Variants in LIMCH1 observed in about 807,000 individuals in gnomAD.
LIMCH1 encodes LIM and calponin homology domains-containing protein 1.
A neutral mutation model predicts 176.5 loss-of-function variants in LIMCH1; 113 were observed. That is an observed-to-expected ratio of 0.64 (90% CI 0.55 to 0.75). The LOEUF is 0.75. Among genes scored for constraint, LIMCH1 ranks in the 30% least tolerant of loss-of-function variants. LIMCH1 has a pLI of 0.00. For missense variants in LIMCH1, 1,674 were observed against 1,814.9 expected (o/e 0.92, Z 1.41); for synonymous variants, 619 against 645.9 (o/e 0.96, Z 0.63).
chr4:41,626,632 T>C, intron 7 of LIMCH1, 76 bp from the exon 8 acceptor site: 1 of 1,178,384 alleles, frequency 8.5e-7, no homozygotes, highest in South Asian at 1.5e-5. Context: ...AACAACACAG[T>C]TGTCTGTCTA....
intron 1 of LIMCH1, among the ~76,000 whole-genome samples, chr4:41,367,985 G>A (rs2053364204): frequency 6.6e-6 from 1 of 151,410 alleles, no homozygotes; most frequent in Admixed American, 6.6e-5. Flanking sequence ...TGCCAAGTAT[G>A]TTCACCAAAT....
At chr4:41,385,177 CA>C (rs2056321591) in intron 1 of LIMCH1, among the ~76,000 whole-genome samples, 1 of 152,220 alleles carries the variant, frequency 6.6e-6, no homozygotes, top group Non-Finnish European at 1.5e-5. Context: ...TTAATGAATG[CA>C]CTTCCTTCAT....
intron 1 of LIMCH1, among the ~76,000 whole-genome samples, chr4:41,367,106 G>A (rs1326517151): frequency 2.6e-5 from 4 of 152,106 alleles, no homozygotes; most frequent in African/African-American, 4.8e-5. Flanking sequence ...TGGGGTAACC[G>A]CCCCCGTGAT....
intron 1 of LIMCH1, among the ~76,000 whole-genome samples, chr4:41,484,108 T>C (rs1212329056): frequency 6.6e-6 from 1 of 152,266 alleles, no homozygotes; most frequent in Non-Finnish European, 1.5e-5. Flanking sequence ...ATTGTAGTTG[T>C]GATATGAATG....
intron 26 of LIMCH1, among the ~76,000 whole-genome samples, chr4:41,684,122 G>T (rs921173184): frequency 1.3e-5 from 2 of 152,168 alleles, no homozygotes; most frequent in African/African-American, 4.8e-5. Flanking sequence ...TGAACATCAG[G>T]TTAGCTCTGG....
chr4:41,631,171 G>T lies in LIMCH1; in HGVS notation c.1295G>T (p.Cys432Phe). The part of the protein sequence containing the change: ...KARDGDVQHI[C>F]ASEPSPEIKA... ...AGGGATGGAGATGTTCAGCACATCT[G>T]TGCTTCTGAGCCTTCCCCAGAAATT... The change falls in exon 10 of 32, where the codon TGT (cysteine) becomes TTT (phenylalanine). Residue 432 changes from cysteine (C) to phenylalanine (F), a missense_variant. Physicochemically the swap from Cys to Phe is radical, Grantham distance 205 (BLOSUM62 -2). Coordinates refer to ENST00000503057, the MANE Select transcript of LIMCH1 (RefSeq NM_001330672.2). The T allele has an allele frequency of 6.5e-7, 1 of 1,534,436 alleles. No homozygotes were observed. The highest frequency in any genetic ancestry group is 8.7e-7 in the Non-Finnish European group (1 of 1,146,308).
chr4:41,619,238 G>A lies in LIMCH1; in HGVS notation c.256G>A (p.Val86Met), dbSNP rs754470652. Residue 86 changes from valine (V) to methionine (M), a missense_variant, in exon 6 of 32, where the codon GTG (valine) becomes ATG (methionine). This residue lies in a region of LIMCH1 where 655 missense variants were observed against 692.2 expected (regional missense o/e 0.95). Transcript: ENST00000503057. Reference sequence around the variant, plus strand: ...CTTGCCTCATCGGAAGCTGCCAGATGTGAAGAAGGATGACATGTCTGCACG... The same window carrying A: ...CTTGCCTCATCGGAAGCTGCCAGATATGAAGAAGGATGACATGTCTGCACG... ...SDLPHRKLPD[V>M]KKDDMSARRT... is the part of the protein sequence containing the mutation. 5.0e-6 allele frequency: 8 copies of A among 1,614,204 alleles called. No homozygotes were observed. The highest frequency in any genetic ancestry group is 2.2e-5 in the South Asian group (2 of 91,082).
At chr4:41,481,252 G>A (rs2068568725) in intron 1 of LIMCH1, among the ~76,000 whole-genome samples, 2 of 152,148 alleles carry the variant, frequency 1.3e-5, no homozygotes, top group Admixed American at 1.3e-4. Flanking sequence ...AATAGATATA[G>A]GGAACTATTG....
intron 1 of LIMCH1, among the ~76,000 whole-genome samples, chr4:41,392,839 TG>T (rs2057393466): frequency 6.6e-6 from 1 of 152,086 alleles, no homozygotes; most frequent in African/African-American, 2.4e-5. Flanking sequence ...GAGACCAGCC[TG>T]GGCAACATGG....
chr4:41,613,059 G>A, intron 4 of LIMCH1: 1 of 1,552,132 alleles, frequency 6.4e-7, no homozygotes, highest in Non-Finnish European at 8.7e-7. Flanking sequence ...CTCATTCCCA[G>A]GACAGACATG....
At chr4:41,385,586 G>A (rs2056382102) in intron 1 of LIMCH1, among the ~76,000 whole-genome samples, 1 of 152,044 alleles carries the variant, frequency 6.6e-6, no homozygotes, top group Non-Finnish European at 1.5e-5. Flanking sequence ...GTTCCAGAAA[G>A]GAAAGCAAAA....
chr4:41,620,525 G>A lies in LIMCH1; in HGVS notation c.560G>A (p.Gly187Glu). 1.3e-6 allele frequency: 2 copies of A among 1,536,368 alleles called. No homozygotes were observed. Among genetic ancestry groups the A allele is most frequent in the Non-Finnish European group, 1.7e-6 (2 of 1,146,976 alleles). ...CCTGGTTGGAAGCCTTCCGATGGTG[G>A]GTGTGAATTACCTGACGGCAGTGGT... ...MNPGWKPSDG[G>E]CELPDGSGKE... Residue 187 changes from glycine (G) to glutamate (E), a missense_variant, in exon 7 of 32, where the codon GGG becomes GAG. Gly to Glu is a moderately conservative substitution (Grantham distance 98). Transcript: ENST00000503057.
In LIMCH1 at chr4:41,471,534, G is replaced by A. The variant is rs548185958; in HGVS notation, c.97-23002G>A. On this transcript the variant is annotated intron_variant, in intron 1 of 26. Coordinates refer to the LIMCH1 transcript ENST00000313860. ...CCATGGCACCGATGAGGCTCTTGCC[G>A]TAATTGCTTTTCCACCTGGCATTTG... Among the ~76,000 whole-genome samples the A allele has an allele frequency of 1.8e-4, 27 of 152,284 alleles. No individual in the cohort carries two copies. In the South Asian group the frequency reaches 3.9e-3, roughly 22 times the overall value.
At chr4:41,685,864 C>CT in intron 28 of LIMCH1, 34 bp downstream of exon 28, 1 of 1,595,800 alleles carries the variant, frequency 6.3e-7, no homozygotes. Context: ...GTGGGATTCC[C>CT]TTTTTTAAAA....
chr4:41,403,323 G>A (rs1012022843), intron 1 of LIMCH1, among the ~76,000 whole-genome samples: 1 of 152,128 alleles, frequency 6.6e-6, no homozygotes, highest in Non-Finnish European at 1.5e-5. Flanking sequence ...GTTCACAACT[G>A]TAATCCCAGC....
chr4:41,580,704 A>G (rs981458096), intron 1 of LIMCH1, among the ~76,000 whole-genome samples: 2 of 152,160 alleles, frequency 1.3e-5, no homozygotes, highest in African/African-American at 4.8e-5. Flanking sequence ...GGATAGAATA[A>G]TGGATAAATA....
chr4:41,494,512 C>G (rs775135182), intron 1 of LIMCH1: 1 of 1,588,302 alleles, frequency 6.3e-7, no homozygotes, highest in South Asian at 1.1e-5. Flanking sequence ...AACTTATGTG[C>G]TCTTTTTCTT....
At chr4:41,363,635 G>T (rs749784836) in intron 1 of LIMCH1, among the ~76,000 whole-genome samples, 1 of 152,148 alleles carries the variant, frequency 6.6e-6, no homozygotes, top group Non-Finnish European at 1.5e-5. Flanking sequence ...ATTTCTCGGC[G>T]TGCAGCCTTG....
In LIMCH1 at chr4:41,680,078, G is replaced by A. The variant is rs1408169803; in HGVS notation, c.3592G>A (p.Glu1198Lys). The change falls in exon 24 of 32, where the codon GAA becomes AAA. Residue 1198 changes from glutamate (E) to lysine (K), a missense_variant. By Grantham distance (56) the Glu-to-Lys change is moderately conservative (BLOSUM62 1). This residue lies in a region of LIMCH1 where 1,015 missense variants were observed against 1,102.5 expected (regional missense o/e 0.92). Transcript: ENST00000503057. Reference sequence around the variant, plus strand: ...GGCCCAAAAGGAGGTGGAAGAGGAAGAACGCAGATACTATGAGGAGGTAGG... The same window carrying A: ...GGCCCAAAAGGAGGTGGAAGAGGAAAAACGCAGATACTATGAGGAGGTAGG... ...EKAQKEVEEE[E>K]RRYYEEERKI... 1.9e-6 allele frequency: 3 copies of A among 1,578,026 alleles called. No homozygotes were observed. The South Asian group carries it at 3.4e-5, about 18-fold the overall frequency.
Sources: allele counts gnomAD v4.1 joint callset (sites outside exome capture counted in the v4.1 genomes callset), GRCh38; gene constraint gnomAD v4.1.1; regional missense constraint gnomAD v4.1.1; transcripts MANE v1.5; gene names NCBI Gene and HGNC (gene_info 2026-07-23, HGNC 2026-07-21).